Variants in RBMS3 observed in about 807,000 individuals in gnomAD.
RBMS3 encodes the protein RNA binding motif single stranded interacting protein 3, also known as RNA-binding motif, single-stranded-interacting protein 3.
A neutral mutation model predicts 66.8 loss-of-function variants in RBMS3; 27 were observed. The observed-to-expected ratio is 0.40, with a 90% CI of 0.30 to 0.56. RBMS3 has a LOEUF of 0.56. Ranked by LOEUF, RBMS3 falls within the 20% of genes least tolerant of loss-of-function variation. RBMS3 has a pLI of 0.40. For synonymous variants in RBMS3, 188 were observed against 183.0 expected, an observed-to-expected ratio of 1.03 and a Z score of -0.22; for missense variants, 513 against 549.5, an observed-to-expected ratio of 0.93 and a Z score of 0.66.
intron 1 of RBMS3, among the ~76,000 whole-genome samples, chr3:29,395,653 A>T (rs569842535): frequency 2.0e-5 from 3 of 152,334 alleles, no homozygotes; most frequent in Admixed American, 2.0e-4. Flanking sequence ...TTTTCAAGTG[A>T]ATCATTGTCT....
At chr3:29,511,931 A>G (rs1202301142) in intron 3 of RBMS3, among the ~76,000 whole-genome samples, 1 of 152,102 alleles carries the variant, frequency 6.6e-6, no homozygotes, top group Non-Finnish European at 1.5e-5. Context: ...TGGAGAGAAG[A>G]AGTTAGAAAG....
intron 3 of RBMS3, among the ~76,000 whole-genome samples, chr3:29,585,056 T>A (rs2047464782): frequency 6.6e-6 from 1 of 152,170 alleles, no homozygotes; most frequent in Non-Finnish European, 1.5e-5. Flanking sequence ...CTTATCCATC[T>A]CCCAACTCAA....
intron 4 of RBMS3, among the ~76,000 whole-genome samples, chr3:29,727,818 A>T (rs2053948914): frequency 6.6e-6 from 1 of 152,206 alleles, no homozygotes; most frequent in Non-Finnish European, 1.5e-5. Context: ...AAGGATCTAG[A>T]ACCAGAAATA....
At chr3:29,515,372 T>C (rs2044580436) in intron 3 of RBMS3, among the ~76,000 whole-genome samples, 1 of 152,158 alleles carries the variant, frequency 6.6e-6, no homozygotes. Flanking sequence ...GCTCGTCTTA[T>C]GGTGAAGGGT....
At chr3:29,971,053 C>T (rs1180945248) in intron 12 of RBMS3, among the ~76,000 whole-genome samples, 2 of 152,064 alleles carry the variant, frequency 1.3e-5, no homozygotes, top group Non-Finnish European at 2.9e-5. Flanking sequence ...TTTATAACTG[C>T]CTCCTCTCTT....
intron 4 of RBMS3, among the ~76,000 whole-genome samples, chr3:29,734,842 T>A (rs2054308457): frequency 6.6e-6 from 1 of 152,156 alleles, no homozygotes; most frequent in Non-Finnish European, 1.5e-5. Context: ...CATATCCTTT[T>A]ATTTTATTTT....
intron 5 of RBMS3, among the ~76,000 whole-genome samples, chr3:29,753,052 A>G (rs999890471): frequency 3.9e-5 from 6 of 152,230 alleles, no homozygotes; most frequent in African/African-American, 1.2e-4. Flanking sequence ...AAAGAGTTTC[A>G]AAATAGCCAC....
intron 4 of RBMS3, among the ~76,000 whole-genome samples, chr3:29,664,456 C>G (rs1290231392): frequency 6.6e-6 from 1 of 151,926 alleles, no homozygotes; most frequent in Non-Finnish European, 1.5e-5. Context: ...CGACTGCACT[C>G]CATCCTAGAG....
At chr3:29,702,745 G>A (rs765352290) in intron 4 of RBMS3, among the ~76,000 whole-genome samples, 4 of 152,168 alleles carry the variant, frequency 2.6e-5, no homozygotes, top group Non-Finnish European at 2.9e-5. Context: ...GTGAAGGTCT[G>A]CAGTTTTACT....
In RBMS3 at chr3:29,856,977, G is replaced by C. The variant is rs149117680; in HGVS notation, c.638-11881G>C. 8.7e-3 allele frequency among the ~76,000 whole-genome samples: 1,327 copies of C among 152,170 alleles called. 14 individuals carry two copies. Among genetic ancestry groups the C allele is most frequent in the African/African-American group, 0.031 (1,272 of 41,516 alleles). On this transcript the variant is annotated intron_variant, in intron 6 of 14. Coordinates refer to ENST00000383767, the MANE Select transcript of RBMS3 (RefSeq NM_001003793.3). ...CACTCTTCAAATTGTCACAATTTCA[G>C]TACCTTGACTCTTGAATTAGAAAAA... is the stretch of plus-strand genomic sequence containing the variant.
At chr3:29,902,150 A>G (rs2060270652) in intron 10 of RBMS3, among the ~76,000 whole-genome samples, 1 of 151,864 alleles carries the variant, frequency 6.6e-6, no homozygotes, top group Non-Finnish European at 1.5e-5. Context: ...GGGGGTATTG[A>G]GCTATTTACA....
intron 6 of RBMS3, among the ~76,000 whole-genome samples, chr3:29,777,535 C>G (rs749753858): frequency 6.6e-6 from 1 of 151,858 alleles, no homozygotes; most frequent in Non-Finnish European, 1.5e-5. Context: ...TGACATAATA[C>G]TTTTTTTGGT....
At chr3:29,600,480 G>A (rs1463194404) in intron 4 of RBMS3, among the ~76,000 whole-genome samples, 1 of 151,988 alleles carries the variant, frequency 6.6e-6, no homozygotes, top group African/African-American at 2.4e-5. Flanking sequence ...GGCAACCTGA[G>A]GATCTCACCA....
chr3:29,630,423 T>C (rs1045090561), intron 4 of RBMS3, among the ~76,000 whole-genome samples: 9 of 151,950 alleles, frequency 5.9e-5, no homozygotes, highest in Admixed American at 3.3e-4. Flanking sequence ...AGAGGAAGAA[T>C]TGGGGACCAA....
Position 29,976,042 on chromosome 3 carries a change from TTC to T in RBMS3, c.1099-12096_1099-12095del, listed in dbSNP as rs545644400. On this transcript the variant is annotated intron_variant, in intron 12 of 14. Coordinates refer to ENST00000383767, the MANE Select transcript of RBMS3 (RefSeq NM_001003793.3). ...TTGTAATATAGAAGTTTTCATTGCC[TTC>T]TCTCATATTTCTAGTTATTTTGGTT... Among the ~76,000 whole-genome samples the T allele has an allele frequency of 2.6e-4, 39 of 152,008 alleles. 1 individual carries two copies. The East Asian group carries it at 6.4e-3, about 25-fold the overall frequency.
chr3:29,709,489 T>C (rs991358243), intron 4 of RBMS3, among the ~76,000 whole-genome samples: 2 of 152,230 alleles, frequency 1.3e-5, no homozygotes, highest in African/African-American at 4.8e-5. Flanking sequence ...GGCTTTAGTG[T>C]AATGAAGCTT....
At chr3:29,412,743 A>G (rs573135394) in intron 1 of RBMS3, among the ~76,000 whole-genome samples, 1 of 152,292 alleles carries the variant, frequency 6.6e-6, no homozygotes, top group Admixed American at 6.5e-5. Context: ...TATCTACTGA[A>G]GGACAAAATG....
At chr3:29,300,866 G>T (rs2033627611) in intron 1 of RBMS3, among the ~76,000 whole-genome samples, 1 of 151,860 alleles carries the variant, frequency 6.6e-6, no homozygotes, top group South Asian at 2.1e-4. Flanking sequence ...TATAGAAAGT[G>T]CTTTGATTGA....
At chr3:29,285,723 T>G (rs769015190) in intron 1 of RBMS3, among the ~76,000 whole-genome samples, 109 of 152,118 alleles carry the variant, frequency 7.2e-4, no homozygotes, top group Admixed American at 7.1e-3. Context: ...GGCTGAATAT[T>G]CAACCATCTG....
Sources: allele counts gnomAD v4.1 joint callset (sites outside exome capture counted in the v4.1 genomes callset), GRCh38; gene constraint gnomAD v4.1.1; transcripts MANE v1.5; gene names NCBI Gene and HGNC (gene_info 2026-07-23, HGNC 2026-07-21).